Variants in MOB3B observed in about 807,000 individuals in gnomAD.
MOB3B encodes MOB kinase activator 3B, also known as MOB kinase activator-like 2B.
In MOB3B, 7 loss-of-function variants were observed where a neutral mutation model predicts 18.7. The observed-to-expected ratio is 0.37, with a 90% CI of 0.21 to 0.70. The LOEUF (loss-of-function observed/expected upper bound fraction) is 0.70, where lower values mean the gene tolerates loss of function less well. MOB3B is among the 30% of genes least tolerant of loss of function. MOB3B has a pLI of 0.52. For missense variants in MOB3B, 253 were observed against 281.3 expected (o/e 0.90, Z 0.72); for synonymous variants, 111 against 99.9 (o/e 1.11, Z -0.66).
At chr9:27,523,746 A>T (rs151019753) in intron 1 of MOB3B, among the ~76,000 whole-genome samples, 1 of 152,252 alleles carries the variant, frequency 6.6e-6, no homozygotes, top group Non-Finnish European at 1.5e-5. Flanking sequence ...AATCAAAAAG[A>T]GAAAATATCC....
At chr9:27,473,331 G>A (rs535588187) in intron 1 of MOB3B, among the ~76,000 whole-genome samples, 4 of 152,280 alleles carry the variant, frequency 2.6e-5, no homozygotes, top group Admixed American at 2.0e-4. Context: ...AGGCAAAGGG[G>A]GAGGGTGGGG....
At chr9:27,487,242 A>G (rs1272050889) in intron 1 of MOB3B, among the ~76,000 whole-genome samples, 1 of 152,222 alleles carries the variant, frequency 6.6e-6, no homozygotes, top group Non-Finnish European at 1.5e-5. Context: ...GGATATTTGC[A>G]TAGCAAACAG....
rs576220334 is a variant in MOB3B at position 27,385,382 on chromosome 9, G to A, written c.419-26146C>T. 2.6e-4 allele frequency among the ~76,000 whole-genome samples: 40 copies of A among 152,256 alleles called. No individual in the cohort carries two copies. The East Asian group carries it at 5.2e-3, about 20-fold the overall frequency. ...AGACAGAGTGACAAATAAGATAAAC[G>A]GAGGAGGTAGGTCAGGACTGACTGG... On this transcript the variant is annotated intron_variant, in intron 2 of 3. Transcript: ENST00000262244.
At chr9:27,370,158 G>A (rs943693542) in intron 2 of MOB3B, among the ~76,000 whole-genome samples, 1 of 152,082 alleles carries the variant, frequency 6.6e-6, no homozygotes, top group Middle Eastern at 3.2e-3. Flanking sequence ...TGGGGCCTTT[G>A]GGAGGTGATT....
At chr9:27,521,010 T>A (rs1456401167) in intron 1 of MOB3B, among the ~76,000 whole-genome samples, 1 of 152,138 alleles carries the variant, frequency 6.6e-6, no homozygotes, top group Non-Finnish European at 1.5e-5. Context: ...CATCTTTCCT[T>A]CTTTGTCATG....
chr9:27,498,923 A>C (rs745367565), intron 1 of MOB3B, among the ~76,000 whole-genome samples: 1 of 152,246 alleles, frequency 6.6e-6, no homozygotes, highest in African/African-American at 2.4e-5. Context: ...TGTGGGCCAA[A>C]ATAGGCCTGT....
chr9:27,367,899 C>A (rs545287146), intron 2 of MOB3B, among the ~76,000 whole-genome samples: 1 of 152,200 alleles, frequency 6.6e-6, no homozygotes, highest in Non-Finnish European at 1.5e-5. Context: ...TTTGGGACCC[C>A]TGATGGCATG....
intron 2 of MOB3B, among the ~76,000 whole-genome samples, chr9:27,409,233 C>T (rs1822028934): frequency 6.6e-6 from 1 of 152,204 alleles, no homozygotes; most frequent in Admixed American, 6.5e-5. Flanking sequence ...ACAAAACAGC[C>T]TAAAGCTCCT....
intron 2 of MOB3B, chr9:27,394,265 A>G (rs1049172439): frequency 2.4e-4 from 37 of 152,224 alleles, no homozygotes; most frequent in African/African-American, 8.7e-4. Context: ...AACTCTGGTG[A>G]GTGGTTATTT....
chr9:27,389,114 G>A (rs1029485419), intron 2 of MOB3B, among the ~76,000 whole-genome samples: 19 of 152,114 alleles, frequency 1.2e-4, no homozygotes, highest in African/African-American at 3.9e-4. Flanking sequence ...GCCCTTTGCC[G>A]TGGACTGAAA....
chr9:27,405,727 C>G (rs1821958424), intron 2 of MOB3B, among the ~76,000 whole-genome samples: 1 of 152,100 alleles, frequency 6.6e-6, no homozygotes, highest in African/African-American at 2.4e-5. Flanking sequence ...AAATCCTCAA[C>G]AAAATACTAG....
At chr9:27,391,288 C>G (rs1821724282) in intron 2 of MOB3B, among the ~76,000 whole-genome samples, 2 of 152,132 alleles carry the variant, frequency 1.3e-5, no homozygotes, top group Non-Finnish European at 2.9e-5. Context: ...TAATAATCTT[C>G]TTTTTAAAAT....
At chr9:27,512,898 G>C (rs1468125841) in intron 1 of MOB3B, among the ~76,000 whole-genome samples, 1 of 152,108 alleles carries the variant, frequency 6.6e-6, no homozygotes, top group African/African-American at 2.4e-5. Context: ...ATATGCATTT[G>C]TTCTATGTAC....
At chr9:27,429,385 T>G (rs1822385350) in intron 2 of MOB3B, among the ~76,000 whole-genome samples, 1 of 152,032 alleles carries the variant, frequency 6.6e-6, no homozygotes, top group Non-Finnish European at 1.5e-5. Context: ...TAATAGTGTC[T>G]CACACAGACA....
Position 27,359,483 on chromosome 9 carries a change from C to T in MOB3B, c.419-247G>A, listed in dbSNP as rs182480276. Among the ~76,000 whole-genome samples the T allele has an allele frequency of 3.0e-3, 463 of 151,992 alleles. 1 individual carries two copies. Among genetic ancestry groups the T allele is most frequent in the African/African-American group, 0.01 (429 of 41,420 alleles). On this transcript the variant is annotated intron_variant, in intron 2 of 3. Transcript: ENST00000262244. ...ACAGTGGCCATATAGGGATGGAGGC[C>T]CAGTGTTGTTAGAGCTTCTAATTTT...
intron 2 of MOB3B, among the ~76,000 whole-genome samples, chr9:27,374,922 A>T (rs1208798692): frequency 2.0e-5 from 3 of 152,202 alleles, no homozygotes; most frequent in Non-Finnish European, 2.9e-5. Context: ...GTTACCTGTG[A>T]TTGCAAATTT....
At chr9:27,436,698 ATCT>A (rs1291864683) in intron 2 of MOB3B, among the ~76,000 whole-genome samples, 2 of 152,206 alleles carry the variant, frequency 1.3e-5, no homozygotes, top group South Asian at 2.1e-4. Context: ...GGAATTATTG[ATCT>A]TCTTATCTCT....
rs1821962067 is a variant in MOB3B, at chr9:27,405,950, C to T, written c.419-46714G>A. 2.0e-5 allele frequency among the ~76,000 whole-genome samples: 3 copies of T among 152,136 alleles called. No homozygotes were observed. In the South Asian group the frequency reaches 6.2e-4, roughly 32 times the overall value. On this transcript the variant is annotated intron_variant, in intron 2 of 3. Coordinates refer to ENST00000262244, the MANE Select transcript of MOB3B (RefSeq NM_024761.5). Reference sequence around the variant, plus strand: ...TCAACATGATAAAAGCCATATATAACATACCCATAGCTAGAATCATATCGA... The same window carrying T: ...TCAACATGATAAAAGCCATATATAATATACCCATAGCTAGAATCATATCGA...
chr9:27,346,955 C>G (rs1245198307), intron 3 of MOB3B, among the ~76,000 whole-genome samples: 2 of 152,116 alleles, frequency 1.3e-5, no homozygotes, highest in African/African-American at 4.8e-5. Context: ...AAGATCATGC[C>G]ACTGCACTCC....
Sources: gnomAD v4.1 joint callset for allele counts (sites outside exome capture counted in the v4.1 genomes callset) on GRCh38, gnomAD v4.1.1 for gene constraint, MANE v1.5 for transcripts, NCBI Gene and HGNC (gene_info 2026-07-23, HGNC 2026-07-21) for gene names.